MBD5: variants seen among roughly 807,000 people sequenced by gnomAD.
MBD5 encodes methyl-CpG-binding domain protein 5.
In MBD5, 13 loss-of-function variants were observed where a neutral mutation model predicts 117.3. That is an observed-to-expected ratio of 0.11 (90% confidence interval 0.07 to 0.18). The LOEUF (loss-of-function observed/expected upper bound fraction) is 0.18, where lower values mean the gene tolerates loss of function less well. MBD5 is among the 10% of genes least tolerant of loss of function. The pLI is 1.00. For missense variants in MBD5, 1,879 were observed against 2,093.8 expected, an observed-to-expected ratio of 0.90 and a Z score of 2.00; for synonymous variants, 727 against 766.4, an observed-to-expected ratio of 0.95 and a Z score of 0.85.
intron 1 of MBD5, among the ~76,000 whole-genome samples, chr2:148,147,015 G>A (rs1263970313): frequency 1.3e-5 from 2 of 151,914 alleles, no homozygotes; most frequent in African/African-American, 4.8e-5. Context: ...TATTTGGCAA[G>A]ACATTATTTG....
At chr2:148,120,419 C>G (rs989189934) in intron 1 of MBD5, among the ~76,000 whole-genome samples, 3 of 152,252 alleles carry the variant, frequency 2.0e-5, no homozygotes, top group Non-Finnish European at 4.4e-5. Flanking sequence ...TCTTCTAATT[C>G]AGAAATGTAA....
At chr2:148,305,725 T>G (rs1476488440) in intron 3 of MBD5, among the ~76,000 whole-genome samples, 2 of 152,144 alleles carry the variant, frequency 1.3e-5, no homozygotes, top group East Asian at 3.9e-4. Context: ...AAAATGGCAG[T>G]TTTAGTTCTT....
intron 1 of MBD5, among the ~76,000 whole-genome samples, chr2:148,032,931 G>A (rs1170787188): frequency 6.6e-6 from 1 of 152,150 alleles, no homozygotes; most frequent in African/African-American, 2.4e-5. Context: ...ATGTCTATAT[G>A]TATTCAAAAG....
chr2:148,311,804 A>T (rs1207577842), intron 3 of MBD5, among the ~76,000 whole-genome samples: 1 of 152,070 alleles, frequency 6.6e-6, no homozygotes, highest in African/African-American at 2.4e-5. Flanking sequence ...TCCTTTCCGT[A>T]TTTAGTGCTT....
chr2:148,444,768 A>G (rs564386907), intron 4 of MBD5, among the ~76,000 whole-genome samples: 3 of 151,036 alleles, frequency 2.0e-5, no homozygotes, highest in African/African-American at 7.4e-5. Flanking sequence ...ACTTAGCCCT[A>G]TCATAACAAG....
At chr2:148,153,916 G>T (rs1398408383) in intron 1 of MBD5, among the ~76,000 whole-genome samples, 2 of 114,816 alleles carry the variant, frequency 1.7e-5, no homozygotes, top group African/African-American at 6.5e-5. Context: ...TAATTTGATC[G>T]TCTGAAGCCT....
At chr2:148,023,862 A>G (rs1414030631) in intron 1 of MBD5, among the ~76,000 whole-genome samples, 4 of 151,956 alleles carry the variant, frequency 2.6e-5, no homozygotes, top group Admixed American at 2.0e-4. Context: ...AAGTTGGATA[A>G]TGATTTATGT....
rs372246440 is a variant in MBD5, at chr2:148,380,857, C to G, written c.-557+38521C>G. Among the ~76,000 whole-genome samples the G allele has an allele frequency of 1.2e-4, 19 of 152,298 alleles. 2 individuals are homozygous for G. The highest frequency in any genetic ancestry group is 2.6e-4 in the African/African-American group (11 of 41,568). On this transcript the variant is annotated intron_variant, in intron 4 of 13. Coordinates refer to ENST00000642680, the MANE Select transcript of MBD5 (RefSeq NM_001378120.1). ...CCACCGCTGCTGATACCCAGGCAAACAGGGTCTGGAGTGGACCTCCAGTAA... is the reference window on the plus strand; with the variant it reads ...CCACCGCTGCTGATACCCAGGCAAAGAGGGTCTGGAGTGGACCTCCAGTAA...
At chr2:148,305,720 G>A (rs891950749) in intron 3 of MBD5, among the ~76,000 whole-genome samples, 2 of 152,196 alleles carry the variant, frequency 1.3e-5, no homozygotes, top group Non-Finnish European at 2.9e-5. Flanking sequence ...TTGGGAAAAT[G>A]GCAGTTTTAG....
At chr2:148,160,313 A>T (rs1185808633) in intron 1 of MBD5, among the ~76,000 whole-genome samples, 4 of 152,070 alleles carry the variant, frequency 2.6e-5, no homozygotes, top group African/African-American at 9.7e-5. Flanking sequence ...CAGGAGAATC[A>T]CTTGAACCCA....
intron 3 of MBD5, among the ~76,000 whole-genome samples, chr2:148,274,725 G>GTTT (rs34560513): frequency 2.7e-4 from 39 of 143,920 alleles, no homozygotes; most frequent in Admixed American, 1.3e-3. Context: ...GAGTTTTTTT[G>GTTT]TTTTTTTTTT....
At chr2:148,136,132 C>T (rs1347514850) in intron 1 of MBD5, among the ~76,000 whole-genome samples, 3 of 152,142 alleles carry the variant, frequency 2.0e-5, no homozygotes, top group Non-Finnish European at 4.4e-5. Context: ...GACACATTCT[C>T]AGGTGACCAC....
At position 148,386,636 on chromosome 2, in the gene MBD5, G is replaced by A. The variant is rs958765768; in HGVS notation, c.-557+44300G>A. Among the ~76,000 whole-genome samples the A allele has an allele frequency of 6.8e-5, 10 of 147,498 alleles. No homozygotes were observed. In the East Asian group the frequency reaches 1.4e-3, roughly 20 times the overall value. Reference sequence around the variant, plus strand: ...TGGGAGGCTGAGGCAGGAGAATGGCGTGAACCCGGGAGGCGGAGCTTGCAG... The same window carrying A: ...TGGGAGGCTGAGGCAGGAGAATGGCATGAACCCGGGAGGCGGAGCTTGCAG... On this transcript the variant is annotated intron_variant, in intron 4 of 13. Transcript: ENST00000642680.
At chr2:148,338,478 G>A (rs1279247866) in intron 3 of MBD5, among the ~76,000 whole-genome samples, 1 of 152,040 alleles carries the variant, frequency 6.6e-6, no homozygotes, top group African/African-American at 2.4e-5. Flanking sequence ...ATAATAATCA[G>A]TAAAATGTTA....
intron 1 of MBD5, among the ~76,000 whole-genome samples, chr2:148,052,196 CTG>C (rs563001955): frequency 3.6e-3 from 469 of 130,308 alleles, no homozygotes; most frequent in East Asian, 9.2e-3. Context: ...TGGTATAAGA[CTG>C]TTATTGAGTT....
At chr2:148,163,317 G>C (rs1320080645) in intron 1 of MBD5, among the ~76,000 whole-genome samples, 2 of 152,148 alleles carry the variant, frequency 1.3e-5, no homozygotes, top group Non-Finnish European at 2.9e-5. Context: ...CCACTTTCTT[G>C]CTAAGTGACC....
intron 4 of MBD5, chr2:148,346,407 A>G (rs1384698195): frequency 6.6e-6 from 1 of 151,542 alleles, no homozygotes; most frequent in East Asian, 1.9e-4. Context: ...CAAATAGTAA[A>G]TAAATTGAAA....
chr2:148,293,929 A>G (rs1453946043), intron 3 of MBD5, among the ~76,000 whole-genome samples: 1 of 152,208 alleles, frequency 6.6e-6, no homozygotes, highest in Non-Finnish European at 1.5e-5. Context: ...TTCTCCTACA[A>G]TATTGTTTTA....
intron 4 of MBD5, chr2:148,347,442 A>G (rs954108832): frequency 6.6e-6 from 1 of 151,986 alleles, no homozygotes; most frequent in African/African-American, 2.4e-5. Context: ...TGGCCTCTAT[A>G]AGAATTTAAT....
Sources: gnomAD v4.1 joint callset for allele counts (sites outside exome capture counted in the v4.1 genomes callset) on GRCh38, gnomAD v4.1.1 for gene constraint, MANE v1.5 for transcripts, NCBI Gene and HGNC (gene_info 2026-07-23, HGNC 2026-07-21) for gene names.